The following NXPH1 variants were observed in gnomAD, a reference collection of about 807,000 sequenced individuals.
NXPH1 encodes the protein neurexophilin-1.
A neutral mutation model predicts 23.7 loss-of-function variants in NXPH1; 5 were observed. The observed-to-expected ratio is 0.21, with a 90% CI of 0.11 to 0.44. The LOEUF (loss-of-function observed/expected upper bound fraction) is 0.44. Among genes scored for constraint, NXPH1 ranks in the 20% least tolerant of loss-of-function variants. The probability of loss-of-function intolerance (pLI) is 0.99; values close to 1 mark genes in which losing one functional copy is unlikely to be tolerated. For synonymous variants in NXPH1, 144 were observed against 122.2 expected (o/e 1.18, Z -1.18); for missense variants, 324 against 321.6 (o/e 1.01, Z -0.06).
intron 2 of NXPH1, among the ~76,000 whole-genome samples, chr7:8,607,378 G>A (rs988950279): frequency 6.6e-6 from 1 of 152,048 alleles, no homozygotes; most frequent in Non-Finnish European, 1.5e-5. Context: ...CGTGTCACTC[G>A]ATACAGTACT....
intron 2 of NXPH1, among the ~76,000 whole-genome samples, chr7:8,504,816 A>G (rs957858125): frequency 1.3e-5 from 2 of 152,086 alleles, no homozygotes; most frequent in South Asian, 2.1e-4. Context: ...AAGTGAGGAT[A>G]TAATGAGAAG....
chr7:8,629,225 A>G (rs1207621425), intron 2 of NXPH1, among the ~76,000 whole-genome samples: 3 of 152,132 alleles, frequency 2.0e-5, no homozygotes, highest in African/African-American at 7.2e-5. Flanking sequence ...AAACACAAAT[A>G]TTAGGAACAT....
At chr7:8,584,935 T>C (rs897912268) in intron 2 of NXPH1, among the ~76,000 whole-genome samples, 3 of 152,222 alleles carry the variant, frequency 2.0e-5, no homozygotes, top group Non-Finnish European at 4.4e-5. Flanking sequence ...ATTGCTTTGG[T>C]AACCAGGACT....
intron 2 of NXPH1, among the ~76,000 whole-genome samples, chr7:8,717,894 G>GTATATATATATATATATATATATATA (rs3059127): frequency 1.4e-5 from 2 of 147,176 alleles, no homozygotes; most frequent in African/African-American, 5.0e-5. Context: ...CTCTCTGTGT[G>GTATATATATATATATATATATATATA]TATATATATA....
intron 2 of NXPH1, among the ~76,000 whole-genome samples, chr7:8,523,632 T>A (rs1454019179): frequency 6.6e-6 from 1 of 152,208 alleles, no homozygotes; most frequent in Non-Finnish European, 1.5e-5. Context: ...TCAGGATTTC[T>A]TAAAGCGTTT....
chr7:8,539,181 C>T (rs906322329), intron 2 of NXPH1, among the ~76,000 whole-genome samples: 1 of 151,702 alleles, frequency 6.6e-6, no homozygotes, highest in African/African-American at 2.4e-5. Flanking sequence ...GATGGTGGTG[C>T]TGAAGAAAAG....
At chr7:8,504,913 T>C (rs758462583) in intron 2 of NXPH1, among the ~76,000 whole-genome samples, 7 of 152,026 alleles carry the variant, frequency 4.6e-5, no homozygotes, top group Non-Finnish European at 7.4e-5. Flanking sequence ...CCTCTAGAAC[T>C]GTGAAAAATA....
At chr7:8,743,143 G>C (rs1039226259) in intron 2 of NXPH1, among the ~76,000 whole-genome samples, 5 of 151,720 alleles carry the variant, frequency 3.3e-5, no homozygotes, top group Non-Finnish European at 5.9e-5. Flanking sequence ...TTGTTTGTTG[G>C]TTACTTATTC....
At position 8,751,594 on chromosome 7, in the gene NXPH1, C is replaced by T. The variant is rs183316469; in HGVS notation, c.641C>T (p.Pro214Leu). 6.2e-7 allele frequency: 1 copy of T among 1,613,372 alleles called. No homozygotes were observed. The highest frequency in any genetic ancestry group is 8.5e-7 in the Non-Finnish European group (1 of 1,179,742). ...ATKNTLCNYD[P>L]SKTCYQEQTQ... ...AAGAACACACTCTGCAACTATGACC[C>T]TTCAAAAACCTGTTACCAGGAGCAA... Residue 214 changes from proline to leucine, a missense_variant, in exon 3 of 3, where the codon CCT becomes CTT. Pro to Leu is a moderately conservative substitution (Grantham distance 98). Coordinates refer to ENST00000405863, the MANE Select transcript of NXPH1 (RefSeq NM_152745.3). This position sits in a 1 kb window ranked among gnomAD's most constrained non-coding sequence, Gnocchi z 4.5.
intron 2 of NXPH1, among the ~76,000 whole-genome samples, chr7:8,616,716 A>C (rs189107570): frequency 6.6e-6 from 1 of 152,182 alleles, no homozygotes; most frequent in East Asian, 1.9e-4. Flanking sequence ...ACTAAAAAAA[A>C]GTGTGGAATA....
In NXPH1 at chr7:8,580,819, C is replaced by T. The variant is rs904349584; in HGVS notation, c.54+145052C>T. Among the ~76,000 whole-genome samples, 4 of 152,154 alleles carry T rather than the reference C, an allele frequency of 2.6e-5. No individual in the cohort carries two copies. In the East Asian group the frequency reaches 7.7e-4, roughly 29 times the overall value. On this transcript the variant is annotated intron_variant, in intron 2 of 2. Transcript: ENST00000405863. The stretch of plus-strand genomic sequence containing the variant: ...AATTCCTTCCAGAGCAATTAGGGCA[C>T]CTGCTTTCTTCAAATCTCTGTCCTT...
intron 2 of NXPH1, among the ~76,000 whole-genome samples, chr7:8,556,364 C>T (rs1055337897): frequency 5.3e-5 from 8 of 151,718 alleles, no homozygotes; most frequent in African/African-American, 1.9e-4. Flanking sequence ...TTTCTCTCTA[C>T]TGAGTCTGGA....
At chr7:8,449,911 A>G (rs1235680125) in intron 2 of NXPH1, among the ~76,000 whole-genome samples, 1 of 152,214 alleles carries the variant, frequency 6.6e-6, no homozygotes, top group Non-Finnish European at 1.5e-5. Context: ...TACAAAGTTA[A>G]GAAATGCAAG....
chr7:8,513,470 G>A (rs752048162), intron 2 of NXPH1, among the ~76,000 whole-genome samples: 20 of 152,238 alleles, frequency 1.3e-4, no homozygotes, highest in Admixed American at 8.5e-4. Flanking sequence ...ATATTAAAGT[G>A]TTGATTACAA....
chr7:8,486,967 ATTAGT>A (rs1385518016), intron 2 of NXPH1, among the ~76,000 whole-genome samples: 5 of 151,968 alleles, frequency 3.3e-5, no homozygotes, highest in African/African-American at 1.2e-4. Flanking sequence ...TTCTTTGATT[ATTAGT>A]TTAATCTCTA....
intron 2 of NXPH1, among the ~76,000 whole-genome samples, chr7:8,747,720 C>T (rs760985760): frequency 1.3e-5 from 2 of 152,148 alleles, no homozygotes; most frequent in Non-Finnish European, 2.9e-5. Context: ...GCTTATGTAA[C>T]TAGGCAAGTG....
intron 2 of NXPH1, among the ~76,000 whole-genome samples, chr7:8,700,446 CT>C: frequency 6.6e-6 from 1 of 152,220 alleles, no homozygotes; most frequent in Admixed American, 6.5e-5. Flanking sequence ...ACTCTATCAT[CT>C]TTCATTACTT....
At chr7:8,493,047 G>A (rs187605506) in intron 2 of NXPH1, among the ~76,000 whole-genome samples, 1 of 152,050 alleles carries the variant, frequency 6.6e-6, no homozygotes, top group Non-Finnish European at 1.5e-5. Flanking sequence ...GGTCCCTCAG[G>A]ATCTTATCTT....
At chr7:8,557,724 A>G (rs1237651232) in intron 2 of NXPH1, among the ~76,000 whole-genome samples, 1 of 151,690 alleles carries the variant, frequency 6.6e-6, no homozygotes, top group Non-Finnish European at 1.5e-5. Flanking sequence ...TAAAGGCAGG[A>G]CAAACCTCCA....
Sources: allele counts gnomAD v4.1 joint callset (sites outside exome capture counted in the v4.1 genomes callset), GRCh38; gene constraint gnomAD v4.1.1; non-coding constraint Gnocchi (gnomAD v3.1); transcripts MANE v1.5; gene names NCBI Gene and HGNC (gene_info 2026-07-23, HGNC 2026-07-21).